The following MAGI2 variants were observed in gnomAD, a reference collection of about 807,000 sequenced individuals.
The protein encoded by MAGI2 is membrane-associated guanylate kinase, WW and PDZ domain-containing protein 2.
A neutral mutation model predicts 133.3 loss-of-function variants in MAGI2; 35 were observed. The observed-to-expected ratio is 0.26, with a 90% CI of 0.20 to 0.35. The LOEUF (loss-of-function observed/expected upper bound fraction) is 0.35, where lower values mean the gene tolerates loss of function less well. MAGI2 is among the 10% of genes least tolerant of loss of function. MAGI2 has a pLI of 1.00. For missense variants in MAGI2, 1,636 were observed against 1,863.4 expected, an observed-to-expected ratio of 0.88 and a Z score of 2.25; for synonymous variants, 729 against 710.6, an observed-to-expected ratio of 1.03 and a Z score of -0.41.
At chr7:78,754,065 G>A (rs1823711886) in intron 2 of MAGI2, among the ~76,000 whole-genome samples, 1 of 152,094 alleles carries the variant, frequency 6.6e-6, no homozygotes, top group African/African-American at 2.4e-5. Flanking sequence ...GCATATTTAG[G>A]AAGAAATGAG....
chr7:78,205,570 T>C (rs541187465), intron 10 of MAGI2, among the ~76,000 whole-genome samples: 1 of 152,348 alleles, frequency 6.6e-6, no homozygotes, highest in South Asian at 2.1e-4. Flanking sequence ...AGACATATAC[T>C]ACATGGGACA....
intron 1 of MAGI2, among the ~76,000 whole-genome samples, chr7:79,257,383 A>G (rs941284495): frequency 7.2e-5 from 11 of 152,356 alleles, no homozygotes; most frequent in African/African-American, 2.4e-4. Context: ...AAGCAAAAAA[A>G]AATTGTATTT....
rs570444833 is a variant in MAGI2, at chr7:79,190,983, C to T, written c.302-183777G>A. Among the ~76,000 whole-genome samples the T allele has an allele frequency of 2.0e-5, 3 of 151,752 alleles. No homozygotes were observed. The South Asian group carries it at 6.2e-4, about 32-fold the overall frequency. On this transcript the variant is annotated intron_variant, in intron 1 of 21. Transcript: ENST00000354212. ...CCAACGTAATCATACACTATATTTC[C>T]ACATATATGTGGGCAATGTCTAAAC...
intron 1 of MAGI2, among the ~76,000 whole-genome samples, chr7:79,431,415 C>T (rs1486961819): frequency 6.6e-6 from 1 of 152,070 alleles, no homozygotes; most frequent in Non-Finnish European, 1.5e-5. Context: ...TTTAAGTTCT[C>T]AAAATAATAT....
rs183752099 is a variant in MAGI2, at chr7:78,087,936, G to A, written c.3568-8851C>T. Among the ~76,000 whole-genome samples the A allele has an allele frequency of 2.3e-3, 343 of 152,286 alleles. 3 individuals are homozygous for A. The highest frequency in any genetic ancestry group is 7.8e-3 in the African/African-American group (325 of 41,564). On this transcript the variant is annotated intron_variant, in intron 20 of 21. Transcript: ENST00000354212. ...CATATGCTAGTTTGACTGCTCAGGTGAAAAGAAACTGGGGCAATATCTTAA... is the reference window on the plus strand; with the variant it reads ...CATATGCTAGTTTGACTGCTCAGGTAAAAAGAAACTGGGGCAATATCTTAA...
At chr7:78,132,727 A>G (rs1821695424) in intron 18 of MAGI2, among the ~76,000 whole-genome samples, 162 bp downstream of exon 18, 1 of 152,208 alleles carries the variant, frequency 6.6e-6, no homozygotes, top group East Asian at 1.9e-4. Context: ...TAATAAAACC[A>G]TATCTATAAC....
intron 1 of MAGI2, among the ~76,000 whole-genome samples, chr7:79,428,468 T>G (rs1012528965): frequency 5.9e-5 from 9 of 152,194 alleles, no homozygotes; most frequent in Non-Finnish European, 1.2e-4. Context: ...TGAGAATGAC[T>G]GTCTTGCCAT....
At chr7:78,663,840 G>A (rs530691803) in intron 2 of MAGI2, among the ~76,000 whole-genome samples, 9 of 152,242 alleles carry the variant, frequency 5.9e-5, no homozygotes, top group African/African-American at 1.7e-4. Context: ...CTTCCTAGGT[G>A]TCATGACTAA....
intron 20 of MAGI2, 97 bp from the exon 21 acceptor site, chr7:78,079,182 G>A (rs1585037232): frequency 8.2e-7 from 1 of 1,215,358 alleles, no homozygotes; most frequent in East Asian, 2.4e-5. Context: ...TGACCTGAGA[G>A]CATCCGAACA....
In MAGI2 at chr7:79,453,198, G is replaced by A. The variant is rs141380685; in HGVS notation, c.123C>T (p.Phe41=). 11 of 1,613,902 alleles carry A rather than the reference G, an allele frequency of 6.8e-6. No individual in the cohort carries two copies. Among genetic ancestry groups the A allele is most frequent in the Non-Finnish European group, 9.3e-6 (11 of 1,180,046 alleles). Residue 41 remains phenylalanine (F), a synonymous_variant, in exon 1 of 22, where the codon TTC becomes TTT. Coordinates refer to ENST00000354212, the MANE Select transcript of MAGI2 (RefSeq NM_012301.4). ...CGGGCTTCACCTCCCCCAGGTAGGG[G>A]AACTGTCCATTCTCGGCGCCCCCCT... ...ELKGGAENGQ[F]PYLGEVKPGK...
intron 2 of MAGI2, among the ~76,000 whole-genome samples, chr7:78,922,122 ATTCTTTCT>A (rs71095367): frequency 1.3e-3 from 183 of 146,246 alleles, no homozygotes; most frequent in East Asian, 2.4e-3. Context: ...AGTACACTTG[ATTCTTTCT>A]TTCTTTCTTT....
At chr7:78,507,942 A>G (rs141017989) in intron 4 of MAGI2, among the ~76,000 whole-genome samples, 2 of 152,330 alleles carry the variant, frequency 1.3e-5, no homozygotes, top group African/African-American at 4.8e-5. Flanking sequence ...ATTGTCTTAC[A>G]TTCAGGAGGT....
chr7:78,136,169 G>A (rs917086114), intron 16 of MAGI2, among the ~76,000 whole-genome samples: 1 of 150,210 alleles, frequency 6.7e-6, no homozygotes, highest in Non-Finnish European at 1.5e-5. Flanking sequence ...AGGCTGGAGT[G>A]CAGTGGCGCG....
At chr7:79,127,766 G>A (rs1285334677) in intron 1 of MAGI2, among the ~76,000 whole-genome samples, 2 of 152,122 alleles carry the variant, frequency 1.3e-5, no homozygotes, top group African/African-American at 4.8e-5. Flanking sequence ...TCACTTTGAT[G>A]GTAGTTTCTT....
intron 1 of MAGI2, among the ~76,000 whole-genome samples, chr7:79,071,315 T>C (rs747409568): frequency 2.0e-5 from 3 of 152,194 alleles, no homozygotes; most frequent in Non-Finnish European, 4.4e-5. Flanking sequence ...TTCCTTACTC[T>C]GGAAGCTTCG....
chr7:78,882,723 G>A (rs1795972374), intron 2 of MAGI2, among the ~76,000 whole-genome samples: 1 of 151,964 alleles, frequency 6.6e-6, no homozygotes, highest in Non-Finnish European at 1.5e-5. Context: ...CAATAAATGT[G>A]ATTCATCAAA....
chr7:78,922,848 G>T (rs1799370061), intron 2 of MAGI2, among the ~76,000 whole-genome samples: 1 of 150,654 alleles, frequency 6.6e-6, no homozygotes, highest in African/African-American at 2.4e-5. Context: ...ATCCTCTCCA[G>T]CACCTGTTGT....
rs1470606383 is a variant in MAGI2 at position 79,220,352 on chromosome 7, T to C, written c.302-213146A>G. On this transcript the variant is annotated intron_variant, in intron 1 of 21. Coordinates refer to ENST00000354212, the MANE Select transcript of MAGI2 (RefSeq NM_012301.4). Reference sequence around the variant, plus strand: ...AAAACATGTAAGACGACATTATACATGAGGAAGAAAGGCTGGTAACAGGTC... The same window carrying C: ...AAAACATGTAAGACGACATTATACACGAGGAAGAAAGGCTGGTAACAGGTC... Among the ~76,000 whole-genome samples, 5 of 151,960 alleles carry C rather than the reference T, an allele frequency of 3.3e-5. No individual in the cohort carries two copies. In the East Asian group the frequency reaches 9.7e-4, roughly 29 times the overall value.
At chr7:79,291,386 G>T (rs1040640784) in intron 1 of MAGI2, among the ~76,000 whole-genome samples, 2 of 151,962 alleles carry the variant, frequency 1.3e-5, no homozygotes, top group Admixed American at 1.3e-4. Flanking sequence ...TTGTATACAA[G>T]TTTCTGTGTG....
Sources: allele counts gnomAD v4.1 joint callset (sites outside exome capture counted in the v4.1 genomes callset), GRCh38; gene constraint gnomAD v4.1.1; transcripts MANE v1.5; gene names NCBI Gene and HGNC (gene_info 2026-07-23, HGNC 2026-07-21).